NUP188: variants seen among roughly 807,000 people sequenced by gnomAD.
The protein encoded by NUP188 is nucleoporin NUP188.
In NUP188, 97 loss-of-function variants were observed where a neutral mutation model predicts 223.0. The observed-to-expected ratio is 0.43, with a 90% CI of 0.37 to 0.51. NUP188 has a LOEUF of 0.51. Among genes scored for constraint, NUP188 ranks in the 20% least tolerant of loss-of-function variants. The pLI is 0.00. For synonymous variants in NUP188, 869 were observed against 828.0 expected (o/e 1.05, Z -0.85); for missense variants, 1,947 against 2,175.6 (o/e 0.89, Z 2.09).
At chr9:128,949,116 A>G (rs1362262755) in intron 1 of NUP188, 73 bp from the exon 2 acceptor site, 1 of 1,108,720 alleles carries the variant, frequency 9.0e-7, no homozygotes, top group Non-Finnish European at 1.3e-6. Flanking sequence ...GAGCAGACAA[A>G]ATGGCTATGA....
In NUP188 at chr9:128,999,730, C is replaced by T; in HGVS notation, c.3768C>T (p.Gly1256=). Residue 1256 remains glycine, a synonymous_variant, in exon 34 of 44, where the codon GGC becomes GGT. Transcript: ENST00000372577. ...FDQTRHSLAL[G]SATEDKDSME... ...AGACCCGCCACAGTCTGGCATTAGG[C>T]AGTGCCACAGAGGACAAGGACAGCA... 1.2e-6 allele frequency: 2 copies of T among 1,614,194 alleles called. No individual in the cohort carries two copies. The highest frequency in any genetic ancestry group is 1.7e-6 in the Non-Finnish European group (2 of 1,180,018).
In NUP188 at chr9:128,956,984, C is replaced by G; in HGVS notation, c.279C>G (p.Leu93=). The G allele has an allele frequency of 6.2e-7, 1 of 1,613,218 alleles. No homozygotes were observed. Among genetic ancestry groups the G allele is most frequent in the Non-Finnish European group, 8.5e-7 (1 of 1,179,528 alleles). Residue 93 remains leucine, a synonymous_variant, in exon 5 of 44, where the codon CTC becomes CTG. Transcript: ENST00000372577. ...GLDEEQSVQL[L]QCYLQEDYRG... ...ATGAAGAACAGAGTGTGCAGTTACT[C>G]CAGTGTTACCTGCAAGAGGACTACA...
At position 128,956,967 on chromosome 9, in the gene NUP188, C is replaced by G; in HGVS notation, c.262C>G (p.Gln88Glu). The G allele has an allele frequency of 6.2e-7, 1 of 1,611,804 alleles. No homozygotes were observed. The highest frequency in any genetic ancestry group is 8.5e-7 in the Non-Finnish European group (1 of 1,178,770). Residue 88 changes from glutamine (Q) to glutamate (E), a missense_variant, in exon 5 of 44, where the codon CAG becomes GAG. This residue lies in a region of NUP188 where 817 missense variants were observed against 865.8 expected (regional missense o/e 0.94). Transcript: ENST00000372577. ...TGTGTTTCAGGGTCTTGATGAAGAA[C>G]AGAGTGTGCAGTTACTCCAGTGTTA... Reference protein sequence around the residue: ...ISKFLGLDEEQSVQLLQCYLQ... With the variant: ...ISKFLGLDEEESVQLLQCYLQ...
At chr9:128,986,754 G>A (rs1258767244) in intron 21 of NUP188, 55 bp from the exon 22 acceptor site, 9 of 1,613,092 alleles carry the variant, frequency 5.6e-6, no homozygotes, top group Middle Eastern at 1.6e-4. Flanking sequence ...CCTTTCTTGA[G>A]ATAAGGGGTC....
intron 13 of NUP188, among the ~76,000 whole-genome samples, chr9:128,979,583 G>A (rs1588280368): frequency 2.0e-5 from 3 of 151,662 alleles, no homozygotes; most frequent in Middle Eastern, 3.5e-3. Flanking sequence ...TGCAGCCCAC[G>A]TTATTACCAG....
chr9:128,958,010 AC>A lies in NUP188; in HGVS notation c.329del (p.Thr110LysfsTer12). The A allele has an allele frequency of 6.2e-7, 1 of 1,611,650 alleles. No homozygotes were observed. Among genetic ancestry groups the A allele is most frequent in the Non-Finnish European group, 8.5e-7 (1 of 1,178,746 alleles). ...DYRGTRDSVK[T>X]VLQDERQSQA... The stretch of plus-strand genomic sequence containing the variant: ...TTAACTGCTCTGTTTTTCTTTTCAG[AC>A]AGTACTGCAAGATGAGAGGCAGAGC... On this transcript the variant is annotated frameshift_variant and splice_region_variant, in exon 6 of 44. Coordinates refer to ENST00000372577, the MANE Select transcript of NUP188 (RefSeq NM_015354.3). LOFTEE classifies it high-confidence loss of function.
At chr9:128,980,557 T>A in intron 13 of NUP188, 49 bp from the exon 14 acceptor site, 4 of 1,563,244 alleles carry the variant, frequency 2.6e-6, no homozygotes, top group Non-Finnish European at 8.7e-7. Context: ...GGAGAGATGT[T>A]AATTTGTGGA....
intron 28 of NUP188, 66 bp downstream of exon 28, chr9:128,994,508 G>C (rs1362494822): frequency 2.7e-6 from 3 of 1,092,790 alleles, no homozygotes; most frequent in Non-Finnish European, 4.2e-6. Context: ...TGGGCTGTGA[G>C]ATGGGGCCGT....
Position 128,984,921 on chromosome 9 carries a change from A to C in NUP188, c.1983A>C (p.Gly661=), listed in dbSNP as rs1160185291. 4.3e-6 allele frequency: 7 copies of C among 1,612,740 alleles called. No individual in the cohort carries two copies. In the African/African-American group the frequency reaches 9.4e-5, roughly 22 times the overall value. ...CCAGTGCGGAAGGGATGAATGCTGG[A>C]GGGTACGGAAACCTCTTGATGAACA... ...QMISAEGMNA[G]GYGNLLMNSE... The change falls in exon 20 of 44, where the codon GGA becomes GGC. Residue 661 remains glycine, a synonymous_variant. Coordinates refer to ENST00000372577, the MANE Select transcript of NUP188 (RefSeq NM_015354.3).
intron 36 of NUP188, 33 bp downstream of exon 36, chr9:129,002,009 C>G: frequency 6.5e-7 from 1 of 1,545,612 alleles, no homozygotes; most frequent in Non-Finnish European, 8.9e-7. Flanking sequence ...GAGGCCCAGC[C>G]TGACCACCCT....
intron 22 of NUP188, 65 bp downstream of exon 22, chr9:128,986,940 A>G (rs1037487118): frequency 7.0e-7 from 1 of 1,435,382 alleles, no homozygotes; most frequent in Non-Finnish European, 9.8e-7. Flanking sequence ...TTTGCTGTGC[A>G]AAGCCGTCTC....
At chr9:128,973,105 C>T (rs949532396) in intron 11 of NUP188, 55 bp from the exon 12 acceptor site, 6 of 1,116,340 alleles carry the variant, frequency 5.4e-6, no homozygotes, top group Non-Finnish European at 6.7e-6. Flanking sequence ...TTATGCCGAA[C>T]CTGGGGAAGA....
chr9:129,002,852 C>CT lies in NUP188; in HGVS notation c.4174dup (p.Ser1392PhefsTer27), dbSNP rs1564568355. The CT allele has an allele frequency of 4.3e-6, 7 of 1,614,108 alleles. No individual in the cohort carries two copies. Among genetic ancestry groups the CT allele is most frequent in the Non-Finnish European group, 5.9e-6 (7 of 1,180,044 alleles). On this transcript the variant is annotated frameshift_variant, in exon 37 of 44. Coordinates refer to ENST00000372577, the MANE Select transcript of NUP188 (RefSeq NM_015354.3). LOFTEE classifies it high-confidence loss of function. The stretch of plus-strand genomic sequence containing the variant: ...CCTCTCGGAAGTCCCTGGATGCCCC[C>CT]TCTTGGCCAGGAGTCTACCGCCTGT...
At chr9:128,948,102 G>C in intron 1 of NUP188, 1 of 227,642 alleles carries the variant, frequency 4.4e-6, no homozygotes, top group Non-Finnish European at 8.5e-6. Flanking sequence ...GCCACGGGGA[G>C]CTTTGCGGTC....
rs1842573627 is a variant in NUP188 at position 128,998,604 on chromosome 9, C to T, written c.3496C>T (p.Leu1166Phe). The T allele has an allele frequency of 3.7e-6, 6 of 1,614,090 alleles. No individual in the cohort carries two copies. The highest frequency in any genetic ancestry group is 5.1e-6 in the Non-Finnish European group (6 of 1,179,988). The change falls in exon 32 of 44, where the codon CTC becomes TTC. Residue 1166 changes from leucine (L) to phenylalanine (F), a missense_variant. Transcript: ENST00000372577. ...CATGAAGTGCACTCTGCTGCTTATC[C>T]TCCTCCGGCAGTGGAAGAGGTGAGG... ...GSMKCTLLLI[L>F]LRQWKRELGS...
intron 14 of NUP188, 117 bp downstream of exon 14, chr9:128,980,842 A>G (rs914987504): frequency 1.9e-6 from 2 of 1,057,098 alleles, no homozygotes; most frequent in African/African-American, 3.2e-5. Context: ...GTTTGTCTGA[A>G]GGTGAATGAA....
At chr9:128,967,246 AC>A (rs1252770923) in intron 8 of NUP188, among the ~76,000 whole-genome samples, 9 of 152,112 alleles carry the variant, frequency 5.9e-5, no homozygotes, top group Non-Finnish European at 1.2e-4. Flanking sequence ...CAGGCCTCAA[AC>A]AGTCCTCCCA....
In NUP188 at chr9:128,993,325, T is replaced by G. The variant is rs971145662; in HGVS notation, c.2769T>G (p.Thr923=). The change falls in exon 26 of 44, where the codon ACT becomes ACG. Residue 923 remains threonine (T), a synonymous_variant. Transcript: ENST00000372577. ...RIKVMILEFL[T]VAVETQPGLI... The stretch of plus-strand genomic sequence containing the variant: ...AAGTCATGATTCTAGAGTTCCTCAC[T>G]GTTGCAGTAGAGACCCAGCCAGGCC... 3 of 1,614,088 alleles carry G rather than the reference T, an allele frequency of 1.9e-6. No individual in the cohort carries two copies. The African/African-American group carries it at 4.0e-5, about 22-fold the overall frequency.
At chr9:128,990,429 T>C (rs1468041135) in intron 25 of NUP188, among the ~76,000 whole-genome samples, 1 of 150,760 alleles carries the variant, frequency 6.6e-6, no homozygotes, top group African/African-American at 2.4e-5. Flanking sequence ...ATCTCTAATA[T>C]AGAAAAAAGG....
Sources: gnomAD v4.1 joint callset for allele counts (sites outside exome capture counted in the v4.1 genomes callset) on GRCh38, gnomAD v4.1.1 for gene constraint, gnomAD v4.1.1 regional missense constraint, MANE v1.5 for transcripts, NCBI Gene and HGNC (gene_info 2026-07-23, HGNC 2026-07-21) for gene names.